The following GALNT14 variants were observed in gnomAD, a reference collection of about 807,000 sequenced individuals.
The protein encoded by GALNT14 is UDP-GalNAc:polypeptide N-acetylgalactosaminyltransferase 14.
GALNT14 carries 60 observed loss-of-function variants against 77.5 expected under a neutral mutation model. The observed-to-expected ratio is 0.77, with a 90% CI of 0.63 to 0.96. The LOEUF is 0.96. GALNT14 is among the 40% of genes least tolerant of loss of function. The pLI, the probability that GALNT14 is intolerant of heterozygous loss-of-function variation, is 0.00. For missense variants in GALNT14, 710 were observed against 731.0 expected (o/e 0.97, Z 0.33); for synonymous variants, 280 against 281.7 (o/e 0.99, Z 0.06).
At chr2:30,894,572 T>A in the GALNT14 span, among the ~76,000 whole-genome samples, 1 of 152,330 alleles carries the variant, frequency 6.6e-6, no homozygotes. Flanking sequence ...TTGCTTGTTT[T>A]ATAATGGAGA....
intron 1 of GALNT14, among the ~76,000 whole-genome samples, chr2:31,133,588 C>A (rs1679087890): frequency 6.6e-6 from 1 of 152,144 alleles, no homozygotes; most frequent in African/African-American, 2.4e-5. Flanking sequence ...GCCTACAATT[C>A]TTTTGCTTTT....
intron 1 of GALNT14, among the ~76,000 whole-genome samples, chr2:31,082,747 C>CG (rs1676217999): frequency 1.3e-5 from 2 of 152,068 alleles, no homozygotes; most frequent in African/African-American, 4.8e-5. Context: ...TGGCTGGGCA[C>CG]GGTGGCTCAC....
chr2:30,964,681 C>CA (rs1667889896), intron 3 of GALNT14, among the ~76,000 whole-genome samples: 1 of 152,146 alleles, frequency 6.6e-6, no homozygotes, highest in Admixed American at 6.5e-5. Flanking sequence ...CAGGGCTGTC[C>CA]CCTTGGATGG....
chr2:31,046,023 A>G (rs1412792135), intron 1 of GALNT14, among the ~76,000 whole-genome samples: 1 of 152,156 alleles, frequency 6.6e-6, no homozygotes, highest in Non-Finnish European at 1.5e-5. Context: ...TTAAACTTCT[A>G]TTGAACAAGT....
At chr2:31,026,941 G>C (rs918232107) in intron 1 of GALNT14, among the ~76,000 whole-genome samples, 1 of 152,056 alleles carries the variant, frequency 6.6e-6, no homozygotes, top group Non-Finnish European at 1.5e-5. Flanking sequence ...ATATCTACAA[G>C]TGCAATGGAG....
chr2:30,942,011 CCAA>C (rs1215275007), intron 9 of GALNT14, among the ~76,000 whole-genome samples, 187 bp downstream of exon 9: 1 of 152,154 alleles, frequency 6.6e-6, no homozygotes, highest in Non-Finnish European at 1.5e-5. Context: ...TCAACACCCT[CCAA>C]CAACTATTCC....
chr2:30,908,938 G>A (rs1664222432), downstream of GALNT14, among the ~76,000 whole-genome samples: 1 of 151,256 alleles, frequency 6.6e-6, no homozygotes, highest in Non-Finnish European at 1.5e-5. Flanking sequence ...TGACAAACCT[G>A]AGAAAAACAA....
At chr2:30,894,907 C>T in the GALNT14 span, among the ~76,000 whole-genome samples, 21,820 of 152,096 alleles carry the variant, frequency 0.14, 2,729 homozygotes, top group East Asian at 0.35. Context: ...TGGAATGTTC[C>T]GAGGCTTCTG....
chr2:30,938,925 T>C (rs913358514), intron 9 of GALNT14, among the ~76,000 whole-genome samples: 1 of 152,238 alleles, frequency 6.6e-6, no homozygotes, highest in Non-Finnish European at 1.5e-5. Context: ...CAGCTGCTAT[T>C]ATTCTCGTAT....
At chr2:30,996,251 A>G (rs1032383441) in intron 1 of GALNT14, among the ~76,000 whole-genome samples, 14 of 152,348 alleles carry the variant, frequency 9.2e-5, no homozygotes, top group Admixed American at 3.9e-4. Flanking sequence ...CTGTTCAGGG[A>G]ATGGCTAACT....
intron 2 of GALNT14, among the ~76,000 whole-genome samples, chr2:30,977,652 G>A (rs1218700013): frequency 6.6e-6 from 1 of 152,084 alleles, no homozygotes; most frequent in Admixed American, 6.6e-5. Context: ...GGAACTCCAG[G>A]AATGTGCTAG....
At chr2:31,010,539 C>T (rs187016518) in intron 1 of GALNT14, among the ~76,000 whole-genome samples, 474 of 152,282 alleles carry the variant, frequency 3.1e-3, no homozygotes, top group African/African-American at 9.9e-3. Context: ...GGCGTGAACC[C>T]GGGAGGTGGA....
intron 10 of GALNT14, 25 bp downstream of exon 10, chr2:30,932,043 C>A (rs1205185954): frequency 6.7e-7 from 1 of 1,484,266 alleles, no homozygotes; most frequent in African/African-American, 1.4e-5. Context: ...TGCTGCCCAC[C>A]CGCGCTGAGC....
At position 30,989,583 on chromosome 2, in the gene GALNT14, A is replaced by AAT. The variant is rs1553351621; in HGVS notation, c.299+3254_299+3255insAT. Among the ~76,000 whole-genome samples the AAT allele has an allele frequency of 2.4e-4, 22 of 91,842 alleles. 1 individual carries two copies. Among genetic ancestry groups the AAT allele is most frequent in the African/African-American group, 8.9e-4 (21 of 23,532 alleles). The allele number at this position is 91,842 out of a possible 152,430, so 60.3% of individuals were successfully genotyped here. ...CCTTATATATATATATATATATATAAAAATATATATATTAGTAGATATATA... is the reference window on the plus strand; with the variant it reads ...CCTTATATATATATATATATATATAAATAAATATATATATTAGTAGATATATA... On this transcript the variant is annotated intron_variant, in intron 2 of 14. Transcript: ENST00000349752.
At chr2:30,900,455 C>A in the GALNT14 span, among the ~76,000 whole-genome samples, 5 of 152,108 alleles carry the variant, frequency 3.3e-5, no homozygotes, top group Admixed American at 2.6e-4. Context: ...AAAACTTTAA[C>A]GTTTGATAAC....
chr2:31,056,814 A>G (rs1674237152), intron 1 of GALNT14, among the ~76,000 whole-genome samples: 1 of 152,206 alleles, frequency 6.6e-6, no homozygotes. Flanking sequence ...AGGTAGTGAC[A>G]TGATAAAAAC....
Position 31,120,177 on chromosome 2 carries a change from A to AAAT in GALNT14, c.129+17778_129+17780dup, listed in dbSNP as rs1558581473. 3.4e-5 allele frequency among the ~76,000 whole-genome samples: 5 copies of AAAT among 148,394 alleles called. No individual in the cohort carries two copies. In the South Asian group the frequency reaches 6.3e-4, roughly 19 times the overall value. The stretch of plus-strand genomic sequence containing the variant: ...TCTCAAAAAAAAAAAAAAAAAAAAA[A>AAAT]AATAATGAGCTAGCTGACCAGTAGG... On this transcript the variant is annotated intron_variant, in intron 1 of 14. Coordinates refer to ENST00000349752, the MANE Select transcript of GALNT14 (RefSeq NM_024572.4).
intron 1 of GALNT14, among the ~76,000 whole-genome samples, chr2:31,012,980 C>G (rs1340431992): frequency 6.6e-6 from 1 of 152,146 alleles, no homozygotes; most frequent in East Asian, 1.9e-4. Flanking sequence ...CCACAAAACA[C>G]TTTTGCAGAA....
intron 13 of GALNT14, among the ~76,000 whole-genome samples, chr2:30,919,554 G>C (rs1664909533): frequency 6.6e-6 from 1 of 152,180 alleles, no homozygotes; most frequent in Non-Finnish European, 1.5e-5. Context: ...GAGGACCCTA[G>C]AGTCTCCAGG....
Sources: gnomAD v4.1 joint callset for allele counts (sites outside exome capture counted in the v4.1 genomes callset) on GRCh38, gnomAD v4.1.1 for gene constraint, MANE v1.5 for transcripts, NCBI Gene and HGNC (gene_info 2026-07-23, HGNC 2026-07-21) for gene names.